Variants in ZNRF2 observed in about 807,000 individuals in gnomAD.
The protein encoded by ZNRF2 is E3 ubiquitin-protein ligase ZNRF2.
A neutral mutation model predicts 20.4 loss-of-function variants in ZNRF2; 16 were observed. The ratio of observed to expected loss-of-function variants is 0.79; its 90% CI spans 0.53 to 1.19. The LOEUF (loss-of-function observed/expected upper bound fraction) is 1.19. Among genes scored for constraint, ZNRF2 ranks in the 50% most tolerant of loss-of-function variants. The pLI is 0.00. For synonymous variants in ZNRF2, 178 were observed against 144.9 expected (o/e 1.23, Z -1.64); for missense variants, 363 against 332.4 (o/e 1.09, Z -0.72).
At chr7:30,297,723 T>G (rs1296248120) in intron 1 of ZNRF2, among the ~76,000 whole-genome samples, 1 of 147,056 alleles carries the variant, frequency 6.8e-6, no homozygotes, top group East Asian at 1.9e-4. Context: ...TTGAGTCAGC[T>G]GCTTTCTGTG....
intron 2 of ZNRF2, among the ~76,000 whole-genome samples, chr7:30,344,467 ACCTAATGTTTGC>A (rs1410195399): frequency 6.6e-6 from 1 of 151,532 alleles, no homozygotes; most frequent in African/African-American, 2.4e-5. Context: ...TTGTTACATT[ACCTAATGTTTGC>A]TTTTATACTA....
intron 2 of ZNRF2, among the ~76,000 whole-genome samples, chr7:30,354,609 A>C (rs1800009212): frequency 1.3e-5 from 2 of 152,204 alleles, no homozygotes; most frequent in African/African-American, 4.8e-5. Context: ...TATCAAACAA[A>C]TACTTAACTT....
intron 1 of ZNRF2, among the ~76,000 whole-genome samples, chr7:30,300,784 T>C (rs998825404): frequency 6.6e-6 from 1 of 152,198 alleles, no homozygotes; most frequent in Non-Finnish European, 1.5e-5. Flanking sequence ...AAATTGTGAG[T>C]TGGGAATTTA....
At position 30,366,560 on chromosome 7, in the gene ZNRF2, A is replaced by G. The variant is rs1420985065; in HGVS notation, c.*548A>G. 6.6e-6 allele frequency: 1 copy of G among 152,540 alleles called. No individual in the cohort carries two copies. Among genetic ancestry groups the G allele is most frequent in the Non-Finnish European group, 1.5e-5 (1 of 67,996 alleles). 9.4% of individuals were successfully genotyped at this position (152,540 alleles called of 1,614,324 possible). A position where few individuals can be genotyped will look rare whatever the true frequency, so the allele number is the denominator to read the frequency against. On this transcript the variant is annotated 3_prime_UTR_variant, in exon 5 of 5. Transcript: ENST00000323037. ...CAAGAAATGTAATCAAGCAGTAAAA[A>G]CATCTGAATGTAGACCATGATCTCA...
chr7:30,313,026 A>T (rs1353470542), intron 1 of ZNRF2, among the ~76,000 whole-genome samples: 1 of 152,192 alleles, frequency 6.6e-6, no homozygotes, highest in East Asian at 1.9e-4. Context: ...AGAACCTAAA[A>T]CGAAACACTT....
intron 3 of ZNRF2, among the ~76,000 whole-genome samples, chr7:30,358,848 G>T (rs1313055334): frequency 6.6e-6 from 1 of 152,054 alleles, no homozygotes; most frequent in Non-Finnish European, 1.5e-5. Flanking sequence ...GTGTGATCTT[G>T]GTCAAGTTGT....
intron 1 of ZNRF2, among the ~76,000 whole-genome samples, chr7:30,312,573 C>T (rs976439294): frequency 6.6e-6 from 1 of 152,152 alleles, no homozygotes; most frequent in Admixed American, 6.6e-5. Flanking sequence ...TATATTTGTT[C>T]ATTCACCCAA....
intron 1 of ZNRF2, among the ~76,000 whole-genome samples, chr7:30,299,303 C>A (rs1269735769): frequency 6.6e-6 from 1 of 151,996 alleles, no homozygotes; most frequent in Non-Finnish European, 1.5e-5. Context: ...CCTGTAATCC[C>A]AGCGACTCGG....
chr7:30,289,877 T>G (rs769300180), intron 1 of ZNRF2: 2 of 534,434 alleles, frequency 3.7e-6, no homozygotes, highest in Non-Finnish European at 7.7e-6. Context: ...CAGGCACATC[T>G]CCAACAAGTC....
intron 1 of ZNRF2, among the ~76,000 whole-genome samples, chr7:30,322,402 G>A (rs772818806): frequency 3.3e-5 from 5 of 152,158 alleles, no homozygotes; most frequent in African/African-American, 7.2e-5. Context: ...GAACACATGT[G>A]TTGGAACTAG....
At chr7:30,295,586 T>C (rs1357134860) in intron 1 of ZNRF2, among the ~76,000 whole-genome samples, 1 of 152,114 alleles carries the variant, frequency 6.6e-6, no homozygotes, top group Non-Finnish European at 1.5e-5. Context: ...GGTGCGTGCC[T>C]GTAGTCCCAG....
At chr7:30,335,477 GTTTCC>G (rs1375180983) in intron 2 of ZNRF2, among the ~76,000 whole-genome samples, 2 of 152,032 alleles carry the variant, frequency 1.3e-5, no homozygotes, top group African/African-American at 4.8e-5. Flanking sequence ...TCATTTTTGT[GTTTCC>G]TTTATTAAGG....
chr7:30,293,745 A>C (rs765305585), intron 1 of ZNRF2, among the ~76,000 whole-genome samples: 41 of 152,352 alleles, frequency 2.7e-4, no homozygotes, highest in Admixed American at 8.5e-4. Context: ...ATTGGTGGAT[A>C]TATTTCGAGT....
chr7:30,323,880 TTC>T (rs1799512291), intron 2 of ZNRF2, 143 bp downstream of exon 2: 2 of 506,982 alleles, frequency 3.9e-6, no homozygotes, highest in East Asian at 7.1e-5. Context: ...GGTTCTCAAA[TTC>T]TGTGATCTCA....
intron 1 of ZNRF2, among the ~76,000 whole-genome samples, chr7:30,306,084 A>C (rs547359701): frequency 6.6e-6 from 1 of 152,260 alleles, no homozygotes; most frequent in East Asian, 1.9e-4. Flanking sequence ...TAGCTACTTC[A>C]TATAGTGGTT....
rs781233452 is a variant in ZNRF2 at position 30,347,712 on chromosome 7, C to CA, written c.566-8008dup. Among the ~76,000 whole-genome samples the CA allele has an allele frequency of 3.4e-4, 51 of 151,794 alleles. No individual in the cohort carries two copies. In the East Asian group the frequency reaches 6.4e-3, roughly 19 times the overall value. On this transcript the variant is annotated intron_variant, in intron 2 of 4. Transcript: ENST00000323037. The stretch of plus-strand genomic sequence containing the variant: ...CAAGTAACAGAGCAAGACTCTGTCT[C>CA]AAAAAAAATAAAATAAAACAAAATA...
rs73687814 is a variant in ZNRF2, at chr7:30,352,863, G to T, written c.566-2865G>T. ...ATGCTTTAGTATCCTGGGTTTAGTGGTATTTCCAGGTCCTGTTTTTAAGTA... is the reference window on the plus strand; with the variant it reads ...ATGCTTTAGTATCCTGGGTTTAGTGTTATTTCCAGGTCCTGTTTTTAAGTA... On this transcript the variant is annotated intron_variant, in intron 2 of 4. Coordinates refer to ENST00000323037, the MANE Select transcript of ZNRF2 (RefSeq NM_147128.4). Among the ~76,000 whole-genome samples the T allele has an allele frequency of 8.0e-3, 1,211 of 151,890 alleles. 14 individuals are homozygous for T. Among genetic ancestry groups the T allele is most frequent in the African/African-American group, 0.027 (1,103 of 41,320 alleles).
intron 4 of ZNRF2, among the ~76,000 whole-genome samples, chr7:30,363,130 A>G (rs985185799): frequency 6.6e-6 from 1 of 152,118 alleles, no homozygotes; most frequent in East Asian, 1.9e-4. Context: ...CAAAAAAAAC[A>G]AAAAACAAAA....
At chr7:30,298,233 T>C (rs1799049973) in intron 1 of ZNRF2, among the ~76,000 whole-genome samples, 1 of 152,220 alleles carries the variant, frequency 6.6e-6, no homozygotes. Flanking sequence ...TGTTTGTGTA[T>C]ATATGTATGT....
Sources: gnomAD v4.1 joint callset for allele counts (sites outside exome capture counted in the v4.1 genomes callset) on GRCh38, gnomAD v4.1.1 for gene constraint, MANE v1.5 for transcripts, NCBI Gene and HGNC (gene_info 2026-07-23, HGNC 2026-07-21) for gene names.